Variants in CYB5R3 observed in about 807,000 individuals in gnomAD.
The protein encoded by CYB5R3 is cytochrome b5 reductase 3, also known as NADH-cytochrome b5 reductase 3.
In CYB5R3, 28 loss-of-function variants were observed where a neutral mutation model predicts 36.5. The observed-to-expected ratio is 0.77, with a 90% CI of 0.57 to 1.05. The LOEUF is 1.05. Among genes scored for constraint, CYB5R3 ranks in the 50% least tolerant of loss-of-function variants. The pLI is 0.00. For missense variants in CYB5R3, 474 were observed against 408.9 expected, an observed-to-expected ratio of 1.16 and a Z score of -1.37; for synonymous variants, 181 against 159.8, an observed-to-expected ratio of 1.13 and a Z score of -1.00.
At chr22:42,630,820 A>G (rs1928570514) in intron 4 of CYB5R3, 62 bp downstream of exon 4, 7 of 1,400,526 alleles carry the variant, frequency 5.0e-6, no homozygotes. Flanking sequence ...GGGGGTCCAC[A>G]TGGGCTGTTG....
intron 2 of CYB5R3, among the ~76,000 whole-genome samples, chr22:42,635,799 G>A (rs567565587): frequency 2.0e-5 from 3 of 152,336 alleles, no homozygotes; most frequent in Admixed American, 6.5e-5. Context: ...CCTGCTGGGG[G>A]TGGCCAGAAA....
intron 8 of CYB5R3, among the ~76,000 whole-genome samples, chr22:42,623,543 C>CG (rs1332496196): frequency 6.6e-6 from 1 of 152,168 alleles, no homozygotes; most frequent in Non-Finnish European, 1.5e-5. Context: ...GCAGTGCGCC[C>CG]GGGAAAGGAC....
At chr22:42,647,770 C>G (rs952728321) in intron 1 of CYB5R3, among the ~76,000 whole-genome samples, 1 of 151,564 alleles carries the variant, frequency 6.6e-6, no homozygotes, top group East Asian at 1.9e-4. Flanking sequence ...ACTCAGGACA[C>G]TGAGGTAGAA....
At chr22:42,638,313 T>C (rs1291324922) in intron 1 of CYB5R3, among the ~76,000 whole-genome samples, 2 of 146,332 alleles carry the variant, frequency 1.4e-5, no homozygotes, top group African/African-American at 5.1e-5. Context: ...GGAGAATCGC[T>C]TGAACCTGGG....
intron 8 of CYB5R3, among the ~76,000 whole-genome samples, 171 bp downstream of exon 8, chr22:42,623,618 T>A (rs1160288526): frequency 6.6e-6 from 1 of 152,154 alleles, no homozygotes; most frequent in Non-Finnish European, 1.5e-5. Context: ...CTGTGTGGCT[T>A]CAGTGAGCCC....
chr22:42,628,712 C>CT (rs1415710538), intron 4 of CYB5R3, among the ~76,000 whole-genome samples: 2 of 152,222 alleles, frequency 1.3e-5, no homozygotes, highest in African/African-American at 4.8e-5. Flanking sequence ...ACCTCCCTCA[C>CT]TCTTGGGACT....
chr22:42,636,840 G>A lies in CYB5R3; in HGVS notation c.28C>T (p.His10Tyr). The A allele has an allele frequency of 1.9e-6, 3 of 1,613,632 alleles. No homozygotes were observed. In the Middle Eastern group the frequency reaches 5.0e-4, roughly 266 times the overall value. ...AACCAGACTGGGAAGAGCACCATAT[G>A]GCCCAACTGAAACGACAGGACCCGC... MGAQLSTLG[H>Y]MVLFPVWFLY... Residue 10 changes from histidine (H) to tyrosine (Y), a missense_variant, in exon 2 of 9, where the codon CAT (histidine) becomes TAT (tyrosine). By Grantham distance (83) the His-to-Tyr change is moderately conservative. Coordinates refer to ENST00000352397, the MANE Select transcript of CYB5R3 (RefSeq NM_000398.7).
At position 42,648,819 on chromosome 22, in the gene CYB5R3, C is replaced by T. The variant is rs933293911; in HGVS notation, c.21+476G>A. On this transcript the variant is annotated intron_variant, in intron 1 of 8. Transcript: ENST00000352397. ...CACGTTCAGTCGCAGTCAGTGACAT[C>T]GCCCATTCACATACTCCCGTACACA... is the stretch of plus-strand genomic sequence containing the variant. Among the ~76,000 whole-genome samples, 15 of 150,824 alleles carry T rather than the reference C, an allele frequency of 9.9e-5. 1 individual carries two copies. Among genetic ancestry groups the T allele is most frequent in the East Asian group, 7.8e-4 (4 of 5,108 alleles).
intron 8 of CYB5R3, among the ~76,000 whole-genome samples, chr22:42,622,856 A>T (rs1240169564): frequency 6.6e-6 from 1 of 152,234 alleles, no homozygotes. Context: ...ATGGCAGGAC[A>T]TGAGACCCCA....
chr22:42,644,630 A>G (rs916427544), intron 1 of CYB5R3: 5 of 1,443,146 alleles, frequency 3.5e-6, no homozygotes, highest in Non-Finnish European at 4.6e-6. Flanking sequence ...GGCAAGTACT[A>G]TTCCGAGGAT....
At chr22:42,628,412 C>T (rs1284539539) in intron 4 of CYB5R3, 131 bp from the exon 5 acceptor site, 9 of 1,142,974 alleles carry the variant, frequency 7.9e-6, no homozygotes, top group Non-Finnish European at 1.0e-5. Context: ...CCCGTGGAGC[C>T]CCATCCACCC....
chr22:42,645,290 A>G (rs1929486509), intron 1 of CYB5R3, among the ~76,000 whole-genome samples: 1 of 152,202 alleles, frequency 6.6e-6, no homozygotes, highest in African/African-American at 2.4e-5. Flanking sequence ...GGAATGAATT[A>G]GTGAAGGGAC....
intron 4 of CYB5R3, 85 bp from the exon 5 acceptor site, chr22:42,628,366 T>C: frequency 1.3e-6 from 2 of 1,552,994 alleles, no homozygotes; most frequent in Non-Finnish European, 1.8e-6. Context: ...AAGTGCCTCT[T>C]CTGCAGCTTC....
At chr22:42,621,338 C>T (rs1927960533) in intron 8 of CYB5R3, among the ~76,000 whole-genome samples, 1 of 152,146 alleles carries the variant, frequency 6.6e-6, no homozygotes, top group Non-Finnish European at 1.5e-5. Context: ...CTTGCCTTAG[C>T]TTTGAATAGC....
intron 2 of CYB5R3, among the ~76,000 whole-genome samples, chr22:42,634,319 C>T (rs969242376): frequency 6.6e-6 from 1 of 151,788 alleles, no homozygotes; most frequent in African/African-American, 2.4e-5. Context: ...CGAGATCACA[C>T]CATTGCACTA....
At chr22:42,639,888 A>C in intron 1 of CYB5R3, 1 of 1,391,638 alleles carries the variant, frequency 7.2e-7, no homozygotes, top group African/African-American at 1.5e-5. Flanking sequence ...TTTTATTCAG[A>C]TAGCAGTCTG....
At chr22:42,626,361 C>T (rs1310190387) in intron 7 of CYB5R3, among the ~76,000 whole-genome samples, 1 of 152,192 alleles carries the variant, frequency 6.6e-6, no homozygotes, top group Admixed American at 6.5e-5. Context: ...TTCAGCACTT[C>T]CCACGAGACA....
intron 1 of CYB5R3, among the ~76,000 whole-genome samples, 199 bp downstream of exon 1, chr22:42,649,096 G>A (rs1569330444): frequency 1.3e-5 from 2 of 152,166 alleles, no homozygotes; most frequent in Non-Finnish European, 2.9e-5. Context: ...AGACTGCCAG[G>A]GCGTAAGTAG....
chr22:42,622,442 C>A (rs1459082776), intron 8 of CYB5R3, among the ~76,000 whole-genome samples: 1 of 152,172 alleles, frequency 6.6e-6, no homozygotes, highest in Non-Finnish European at 1.5e-5. Context: ...CCTGAGCATA[C>A]CAGGTGGAGC....
Sources: gnomAD v4.1 joint callset for allele counts (sites outside exome capture counted in the v4.1 genomes callset) on GRCh38, gnomAD v4.1.1 for gene constraint, MANE v1.5 for transcripts, NCBI Gene and HGNC (gene_info 2026-07-23, HGNC 2026-07-21) for gene names.